Variants in PCSK5 observed in about 807,000 individuals in gnomAD.
PCSK5 encodes proprotein convertase subtilisin/kexin type 5.
A neutral mutation model predicts 233.2 loss-of-function variants in PCSK5; 129 were observed. The observed-to-expected ratio is 0.55, with a 90% CI of 0.48 to 0.64. The LOEUF (loss-of-function observed/expected upper bound fraction) is 0.64. Among genes scored for constraint, PCSK5 ranks in the 30% least tolerant of loss-of-function variants. PCSK5 has a pLI of 0.00. For synonymous variants in PCSK5, 825 were observed against 879.2 expected, an observed-to-expected ratio of 0.94 and a Z score of 1.09; for missense variants, 2,076 against 2,430.1, an observed-to-expected ratio of 0.85 and a Z score of 3.06.
At chr9:76,130,683 C>T (rs1346556143) in intron 9 of PCSK5, among the ~76,000 whole-genome samples, 1 of 152,132 alleles carries the variant, frequency 6.6e-6, no homozygotes, top group African/African-American at 2.4e-5. Flanking sequence ...TACAGAACTC[C>T]CGAGAAAGTC....
At chr9:76,354,724 C>T (rs761133298) in intron 37 of PCSK5, among the ~76,000 whole-genome samples, 31 of 152,202 alleles carry the variant, frequency 2.0e-4, no homozygotes, top group Non-Finnish European at 1.0e-4. Flanking sequence ...TTGCAGTGAG[C>T]TGAGATCGCA....
chr9:76,098,597 T>C (rs1201441289), intron 8 of PCSK5, among the ~76,000 whole-genome samples: 2 of 152,220 alleles, frequency 1.3e-5, no homozygotes, highest in Non-Finnish European at 2.9e-5. Context: ...GAAATCATCT[T>C]AAGTCAAACT....
chr9:76,119,662 G>T (rs1832558646), intron 9 of PCSK5, among the ~76,000 whole-genome samples: 1 of 151,760 alleles, frequency 6.6e-6, no homozygotes, highest in Non-Finnish European at 1.5e-5. Flanking sequence ...TAATATTTTT[G>T]CATGTACATA....
chr9:76,211,559 A>G (rs987043917), intron 20 of PCSK5, among the ~76,000 whole-genome samples: 2 of 152,192 alleles, frequency 1.3e-5, no homozygotes, highest in Admixed American at 6.5e-5. Context: ...ACCTCAAAAG[A>G]TCTTAAGTCT....
In PCSK5 at chr9:76,173,495, CCTTTTTTTTTTTTTTTTTTTT is replaced by C. The variant is rs1407750968; in HGVS notation, c.1757-1490_1757-1470del. On this transcript the variant is annotated intron_variant, in intron 13 of 37. Transcript: ENST00000674117. ...ACTTTAATGAAATGGAGGCACGTTTCCTTTTTTTTTTTTTTTTTTTTTTTTTTTTTTTTTTTTACTTTTTGC... is the reference window on the plus strand; with the variant it reads ...ACTTTAATGAAATGGAGGCACGTTTCTTTTTTTTTTTTTTTTACTTTTTGC... Among the ~76,000 whole-genome samples the C allele has an allele frequency of 3.5e-4, 12 of 34,604 alleles. No individual in the cohort carries two copies. The East Asian group carries it at 5.3e-3, about 15-fold the overall frequency. 22.7% of individuals were successfully genotyped at this position (34,604 alleles called of 152,430 possible).
intron 20 of PCSK5, chr9:76,193,784 T>C (rs997325214): frequency 3.2e-5 from 5 of 155,622 alleles, no homozygotes; most frequent in East Asian, 3.8e-4. Flanking sequence ...AGAGCATACA[T>C]AGACAAAAAT....
intron 17 of PCSK5, among the ~76,000 whole-genome samples, chr9:76,187,000 G>A (rs1824135491): frequency 6.6e-6 from 1 of 152,092 alleles, no homozygotes; most frequent in Admixed American, 6.6e-5. Context: ...TTTTTAAATA[G>A]TGGTGAAGAA....
chr9:76,318,183 G>A (rs1829084917), intron 30 of PCSK5, among the ~76,000 whole-genome samples: 1 of 152,084 alleles, frequency 6.6e-6, no homozygotes. Flanking sequence ...GGACGAAGCT[G>A]GAAACCTTCA....
chr9:76,185,365 G>C (rs17062197), intron 17 of PCSK5, among the ~76,000 whole-genome samples: 2 of 152,094 alleles, frequency 1.3e-5, no homozygotes, highest in African/African-American at 4.8e-5. Context: ...TCTCAGTAGG[G>C]AAGGTGAGAC....
intron 24 of PCSK5, among the ~76,000 whole-genome samples, chr9:76,249,614 T>C (rs62564574): frequency 6.6e-6 from 1 of 152,100 alleles, no homozygotes; most frequent in Non-Finnish European, 1.5e-5. Context: ...ATACCAAGGC[T>C]CCTTAGAGAA....
intron 30 of PCSK5, among the ~76,000 whole-genome samples, chr9:76,320,530 G>C (rs1442417250): frequency 8.2e-6 from 1 of 121,594 alleles, no homozygotes; most frequent in East Asian, 2.4e-4. Context: ...GTGCAGTGGA[G>C]TGGCACAATC....
intron 1 of PCSK5, among the ~76,000 whole-genome samples, chr9:75,929,891 C>T (rs1276130094): frequency 3.4e-5 from 5 of 146,690 alleles, no homozygotes; most frequent in Admixed American, 6.8e-5. Flanking sequence ...AAGACAGAGT[C>T]TCACTCTGTT....
At chr9:76,166,041 G>T (rs1823072942) in intron 12 of PCSK5, among the ~76,000 whole-genome samples, 1 of 152,220 alleles carries the variant, frequency 6.6e-6, no homozygotes, top group Admixed American at 6.5e-5. Flanking sequence ...ATAAGAAGTA[G>T]CTGAAGTATT....
In PCSK5 at chr9:76,160,112, C is replaced by T. The variant is rs1460404527; in HGVS notation, c.1619+941C>T. Among the ~76,000 whole-genome samples, 4 of 152,252 alleles carry T rather than the reference C, an allele frequency of 2.6e-5. No individual in the cohort carries two copies. The South Asian group carries it at 6.2e-4, about 24-fold the overall frequency. On this transcript the variant is annotated intron_variant, in intron 12 of 37. Coordinates refer to ENST00000674117, the MANE Select transcript of PCSK5 (RefSeq NM_001372043.1). ...CTGGGATTACAGGCATGAGCCACCGCGCCCAGCTGACTCTTCAGTCTTTAT... is the reference window on the plus strand; with the variant it reads ...CTGGGATTACAGGCATGAGCCACCGTGCCCAGCTGACTCTTCAGTCTTTAT...
chr9:76,012,477 G>A (rs1827771605), intron 3 of PCSK5, among the ~76,000 whole-genome samples: 1 of 152,222 alleles, frequency 6.6e-6, no homozygotes, highest in Non-Finnish European at 1.5e-5. Flanking sequence ...AGGACTGTAA[G>A]TGGTAATAAT....
intron 36 of PCSK5, among the ~76,000 whole-genome samples, chr9:76,353,335 A>C (rs2131527483): frequency 1.3e-5 from 2 of 152,272 alleles, no homozygotes; most frequent in Admixed American, 1.3e-4. Flanking sequence ...TCCCAAAGAG[A>C]TTTAACTACT....
At chr9:76,059,248 T>C (rs1381876978) in intron 5 of PCSK5, among the ~76,000 whole-genome samples, 1 of 152,230 alleles carries the variant, frequency 6.6e-6, no homozygotes, top group Admixed American at 6.5e-5. Flanking sequence ...ATTTGTAGAT[T>C]CTGGATATTA....
chr9:76,310,585 A>G, intron 29 of PCSK5, 71 bp from the exon 30 acceptor site: 1 of 1,067,706 alleles, frequency 9.4e-7, no homozygotes, highest in Non-Finnish European at 1.3e-6. Flanking sequence ...GGAAAGCTTA[A>G]AAAAGCCATG....
rs117309202 is a variant in PCSK5, at chr9:76,090,927, G to A, written c.895-4963G>A. ...ACAGATCATCAGTCATTAGATTCTC[G>A]TGAGAAGCAGGAAACCTAGATCCCT... is the stretch of plus-strand genomic sequence containing the variant. On this transcript the variant is annotated intron_variant, in intron 7 of 37. Coordinates refer to ENST00000674117, the MANE Select transcript of PCSK5 (RefSeq NM_001372043.1). Among the ~76,000 whole-genome samples the A allele has an allele frequency of 1.0e-2, 1,516 of 151,988 alleles. 12 individuals are homozygous for A. Among genetic ancestry groups the A allele is most frequent in the Non-Finnish European group, 0.014 (940 of 68,002 alleles).
Sources: gnomAD v4.1 joint callset for allele counts (sites outside exome capture counted in the v4.1 genomes callset) on GRCh38, gnomAD v4.1.1 for gene constraint, MANE v1.5 for transcripts, NCBI Gene and HGNC (gene_info 2026-07-23, HGNC 2026-07-21) for gene names.